Variants in ASIC2 observed in about 807,000 individuals in gnomAD.
The protein encoded by ASIC2 is acid sensing ion channel subunit 2.
A neutral mutation model predicts 57.3 loss-of-function variants in ASIC2; 25 were observed. That is an observed-to-expected ratio of 0.44 (90% CI 0.32 to 0.61). ASIC2 has a LOEUF of 0.61. Ranked by LOEUF, ASIC2 falls within the 20% of genes least tolerant of loss-of-function variation. The probability of loss-of-function intolerance (pLI) is 0.06; values close to 1 mark genes in which losing one functional copy is unlikely to be tolerated. For synonymous variants in ASIC2, 319 were observed against 307.5 expected, an observed-to-expected ratio of 1.04 and a Z score of -0.39; for missense variants, 641 against 738.1, an observed-to-expected ratio of 0.87 and a Z score of 1.52.
chr17:33,935,012 A>C (rs1009172882), intron 1 of ASIC2, among the ~76,000 whole-genome samples: 27 of 152,324 alleles, frequency 1.8e-4, no homozygotes, highest in African/African-American at 6.3e-4. Flanking sequence ...AAGACTCCCC[A>C]GAAGCTGGCT....
intron 1 of ASIC2, among the ~76,000 whole-genome samples, chr17:33,483,648 C>T (rs1913486580): frequency 6.6e-6 from 1 of 152,236 alleles, no homozygotes; most frequent in African/African-American, 2.4e-5. Context: ...GAAAGACTTT[C>T]CTTTCCAGGG....
At chr17:33,179,304 A>G (rs1401573035) in intron 1 of ASIC2, among the ~76,000 whole-genome samples, 1 of 152,224 alleles carries the variant, frequency 6.6e-6, no homozygotes, top group Non-Finnish European at 1.5e-5. Flanking sequence ...ACGTTTTGCA[A>G]CTACCACAAA....
intron 1 of ASIC2, among the ~76,000 whole-genome samples, chr17:33,231,530 C>T (rs1476385202): frequency 6.6e-6 from 1 of 152,126 alleles, no homozygotes; most frequent in Non-Finnish European, 1.5e-5. Context: ...TGGCTGGACC[C>T]TGTTGCCCTG....
At chr17:33,147,321 G>A (rs1367349411) in intron 1 of ASIC2, among the ~76,000 whole-genome samples, 1 of 152,212 alleles carries the variant, frequency 6.6e-6, no homozygotes, top group Non-Finnish European at 1.5e-5. Context: ...GTGCATTGTG[G>A]ATTCAGATCC....
chr17:33,917,316 G>T (rs1167911434), intron 1 of ASIC2, among the ~76,000 whole-genome samples: 2 of 151,978 alleles, frequency 1.3e-5, no homozygotes, highest in Admixed American at 6.6e-5. Flanking sequence ...TCTCCCCAGC[G>T]CCATCTTCCC....
In ASIC2 at chr17:33,641,013, G is replaced by GA. The variant is rs146606442; in HGVS notation, c.555+514964dup. ...TGGCAGCAACATAGACCCTATGGGA[G>GA]AAGGGGTCTTCTTTAGGCCACGGAG... On this transcript the variant is annotated intron_variant, in intron 1 of 9. Transcript: ENST00000359872. 6.1e-3 allele frequency among the ~76,000 whole-genome samples: 936 copies of GA among 152,302 alleles called. 9 individuals are homozygous for GA. Among genetic ancestry groups the GA allele is most frequent in the African/African-American group, 0.021 (889 of 41,556 alleles).
chr17:33,169,783 C>T (rs914602583), intron 1 of ASIC2, among the ~76,000 whole-genome samples: 2 of 152,150 alleles, frequency 1.3e-5, no homozygotes, highest in South Asian at 2.1e-4. Context: ...CTGGAGAAGA[C>T]GTCTATGAAT....
intron 1 of ASIC2, among the ~76,000 whole-genome samples, chr17:33,216,708 G>A (rs1026021928): frequency 6.6e-6 from 1 of 152,242 alleles, no homozygotes; most frequent in Non-Finnish European, 1.5e-5. Flanking sequence ...TAGATGCCAT[G>A]TGGCAGGGTT....
rs924857980 is a variant in ASIC2, at chr17:34,036,682, T to G, written c.555+119296A>C. 119 of 15,418 alleles carry G rather than the reference T, an allele frequency of 7.7e-3. 3 individuals are homozygous for G. The African/African-American group carries it at 0.091, about 12-fold the overall frequency. 1.0% of individuals were successfully genotyped at this position (15,418 alleles called of 1,614,324 possible). A position where few individuals can be genotyped will look rare whatever the true frequency, so the allele number is the denominator to read the frequency against. ...TACTATATTGATACTTTGAATTTGT[T>G]TTTTTTTTTTTTTTTTTTTTTTGCA... On this transcript the variant is annotated intron_variant, in intron 1 of 9. Transcript: ENST00000359872.
intron 1 of ASIC2, among the ~76,000 whole-genome samples, chr17:33,962,577 G>C (rs1904959130): frequency 6.6e-6 from 1 of 152,044 alleles, no homozygotes; most frequent in Non-Finnish European, 1.5e-5. Flanking sequence ...TATCATTTCG[G>C]GTCAGGAATG....
At chr17:33,552,217 G>T (rs1915773431) in intron 1 of ASIC2, among the ~76,000 whole-genome samples, 1 of 152,170 alleles carries the variant, frequency 6.6e-6, no homozygotes, top group Non-Finnish European at 1.5e-5. Context: ...AATGAGAGAT[G>T]GTTTTCCTTA....
chr17:34,031,847 A>C (rs1055757337), intron 1 of ASIC2, among the ~76,000 whole-genome samples: 2 of 152,216 alleles, frequency 1.3e-5, no homozygotes, highest in African/African-American at 2.4e-5. Flanking sequence ...AGCCTCCAAG[A>C]CTTATGGCAG....
intron 1 of ASIC2, among the ~76,000 whole-genome samples, chr17:33,994,893 A>C (rs552358113): frequency 6.6e-6 from 1 of 152,296 alleles, no homozygotes; most frequent in East Asian, 1.9e-4. Flanking sequence ...CAGAAAAAAA[A>C]CGGTGCTTCT....
chr17:33,593,582 G>T (rs1362042858), intron 1 of ASIC2, among the ~76,000 whole-genome samples: 1 of 152,206 alleles, frequency 6.6e-6, no homozygotes, highest in Non-Finnish European at 1.5e-5. Context: ...TGGTGAAATG[G>T]TGATAATGAT....
At chr17:33,813,591 C>A (rs1230363292) in intron 1 of ASIC2, among the ~76,000 whole-genome samples, 1 of 152,142 alleles carries the variant, frequency 6.6e-6, no homozygotes, top group Non-Finnish European at 1.5e-5. Flanking sequence ...CGCCCGCCAC[C>A]AAGCCCGGCT....
intron 1 of ASIC2, among the ~76,000 whole-genome samples, chr17:33,244,809 C>T (rs1225640111): frequency 6.6e-6 from 1 of 152,194 alleles, no homozygotes; most frequent in East Asian, 1.9e-4. Flanking sequence ...TCTGCTCAGG[C>T]GAGAATGCAG....
Position 34,089,372 on chromosome 17 carries a change from C to T in ASIC2, c.555+66606G>A, listed in dbSNP as rs567597315. ...AATGCCTTGTTAGTAACTCCTTGCT[C>T]TATTCCAAGGGCTTTTAAAATACCA... On this transcript the variant is annotated intron_variant, in intron 1 of 9. Transcript: ENST00000359872. Among the ~76,000 whole-genome samples the T allele has an allele frequency of 4.6e-5, 7 of 150,932 alleles. No individual in the cohort carries two copies. The East Asian group carries it at 1.2e-3, about 25-fold the overall frequency.
chr17:33,695,526 C>T (rs1420177278), intron 1 of ASIC2, among the ~76,000 whole-genome samples: 1 of 152,056 alleles, frequency 6.6e-6, no homozygotes, highest in South Asian at 2.1e-4. Context: ...TATAAAAAAG[C>T]TTTAGTTCTT....
chr17:33,312,996 A>T (rs1228296106), intron 1 of ASIC2, among the ~76,000 whole-genome samples: 2 of 152,194 alleles, frequency 1.3e-5, no homozygotes. Context: ...CAAGAACCTA[A>T]GGTGAACAGT....
Sources: allele counts gnomAD v4.1 joint callset (sites outside exome capture counted in the v4.1 genomes callset), GRCh38; gene constraint gnomAD v4.1.1; transcripts MANE v1.5; gene names NCBI Gene and HGNC (gene_info 2026-07-23, HGNC 2026-07-21).